The following ERC2 variants were observed in gnomAD, a reference collection of about 807,000 sequenced individuals.
The protein encoded by ERC2 is ERC protein 2.
ERC2 carries 42 observed loss-of-function variants against 114.8 expected under a neutral mutation model. The ratio of observed to expected loss-of-function variants is 0.37; its 90% CI spans 0.29 to 0.47. ERC2 has a LOEUF of 0.47. Ranked by LOEUF, ERC2 falls within the 20% of genes least tolerant of loss-of-function variation. The pLI, the probability that ERC2 is intolerant of heterozygous loss-of-function variation, is 0.99. For missense variants in ERC2, 939 were observed against 1,150.7 expected, an observed-to-expected ratio of 0.82 and a Z score of 2.66; for synonymous variants, 454 against 425.5, an observed-to-expected ratio of 1.07 and a Z score of -0.82.
intron 7 of ERC2, among the ~76,000 whole-genome samples, chr3:56,077,202 T>A (rs145162085): frequency 4.3e-4 from 65 of 152,342 alleles, no homozygotes; most frequent in African/African-American, 1.4e-3. Flanking sequence ...AGTCAGCTTC[T>A]AAATCATATG....
chr3:55,741,671 T>C (rs9876560), intron 14 of ERC2, among the ~76,000 whole-genome samples: 77,983 of 151,924 alleles, frequency 0.51, 20,767 homozygotes, highest in South Asian at 0.69. Flanking sequence ...GCTTGCAAAA[T>C]TATCTTGAGA....
chr3:55,854,006 G>A (rs970882465), intron 14 of ERC2, among the ~76,000 whole-genome samples: 2 of 152,122 alleles, frequency 1.3e-5, no homozygotes, highest in Non-Finnish European at 2.9e-5. Context: ...CCAGCGCGGC[G>A]GCTCACACCT....
At chr3:55,516,298 T>C (rs549401858) in intron 17 of ERC2, among the ~76,000 whole-genome samples, 18 of 152,056 alleles carry the variant, frequency 1.2e-4, no homozygotes, top group Non-Finnish European at 2.4e-4. Context: ...GTGTTATTAC[T>C]TAACATCTTT....
chr3:55,550,787 C>T (rs533173818), intron 17 of ERC2, among the ~76,000 whole-genome samples: 148 of 152,194 alleles, frequency 9.7e-4, no homozygotes, highest in Non-Finnish European at 1.8e-3. Flanking sequence ...GAGGCCAAGG[C>T]GGGCAGATCA....
intron 17 of ERC2, among the ~76,000 whole-genome samples, chr3:55,660,228 C>A (rs1036076780): frequency 1.3e-5 from 2 of 152,186 alleles, no homozygotes; most frequent in African/African-American, 4.8e-5. Flanking sequence ...TCAACCCGCA[C>A]CCCCACCTCC....
At chr3:55,717,169 GT>G (rs1423925794) in intron 15 of ERC2, among the ~76,000 whole-genome samples, 1 of 152,184 alleles carries the variant, frequency 6.6e-6, no homozygotes. Flanking sequence ...CACGGACCTT[GT>G]TTTTAAAGAC....
At chr3:56,076,039 A>G (rs958923634) in intron 7 of ERC2, among the ~76,000 whole-genome samples, 7 of 152,144 alleles carry the variant, frequency 4.6e-5, no homozygotes, top group African/African-American at 1.7e-4. Context: ...CAACCTGCTG[A>G]AGTGGAAAGG....
chr3:56,292,311 C>T (rs947640129), intron 3 of ERC2, among the ~76,000 whole-genome samples: 18 of 151,488 alleles, frequency 1.2e-4, no homozygotes, highest in African/African-American at 3.6e-4. Context: ...AGGCCAGGCA[C>T]GGTGGCTCAC....
chr3:55,708,473 CTTCA>C (rs2063599558), intron 15 of ERC2, among the ~76,000 whole-genome samples: 1 of 152,322 alleles, frequency 6.6e-6, no homozygotes, highest in African/African-American at 2.4e-5. Context: ...GTAAAGTCCT[CTTCA>C]TTCATTTATC....
chr3:55,698,389 T>C (rs1007230125), intron 16 of ERC2, among the ~76,000 whole-genome samples: 2 of 152,050 alleles, frequency 1.3e-5, no homozygotes, highest in African/African-American at 2.4e-5. Context: ...TTAACCTCTT[T>C]GGGATGCTAG....
intron 7 of ERC2, among the ~76,000 whole-genome samples, chr3:56,047,931 C>G (rs1287852226): frequency 2.0e-5 from 3 of 152,208 alleles, no homozygotes; most frequent in Admixed American, 2.0e-4. Context: ...GAAGCAGCTT[C>G]TATATTATAG....
chr3:55,938,164 C>T (rs1377592832), intron 13 of ERC2, among the ~76,000 whole-genome samples: 1 of 150,092 alleles, frequency 6.7e-6, no homozygotes, highest in East Asian at 2.0e-4. Flanking sequence ...CCAAGAGGTT[C>T]TTTCAGAGCC....
At chr3:55,724,849 T>C (rs1360090823) in intron 15 of ERC2, among the ~76,000 whole-genome samples, 3 of 152,196 alleles carry the variant, frequency 2.0e-5, no homozygotes, top group Non-Finnish European at 4.4e-5. Context: ...TTGGGAAGTT[T>C]CTCCTGTACA....
At chr3:56,105,087 C>T (rs1337801416) in intron 6 of ERC2, among the ~76,000 whole-genome samples, 1 of 150,672 alleles carries the variant, frequency 6.6e-6, no homozygotes, top group Non-Finnish European at 1.5e-5. Flanking sequence ...GAGGGAAGAG[C>T]CAGCACAGAA....
chr3:56,152,396 A>G (rs913333698), intron 4 of ERC2, among the ~76,000 whole-genome samples: 2 of 118,722 alleles, frequency 1.7e-5, no homozygotes, highest in Non-Finnish European at 1.8e-5. Context: ...ACTTGCCACA[A>G]TCATCCCCAA....
intron 17 of ERC2, among the ~76,000 whole-genome samples, chr3:55,680,517 C>T (rs1241856552): frequency 6.6e-6 from 1 of 152,176 alleles, no homozygotes; most frequent in East Asian, 1.9e-4. Context: ...AGTGGATTTT[C>T]CTGAAGAACA....
intron 6 of ERC2, among the ~76,000 whole-genome samples, chr3:56,137,437 G>C (rs77825546): frequency 6.6e-6 from 1 of 152,204 alleles, no homozygotes; most frequent in Admixed American, 6.5e-5. Flanking sequence ...CCAGAGAGAA[G>C]ACTAGCTGGG....
At chr3:56,214,780 C>G (rs2150132303) in intron 3 of ERC2, among the ~76,000 whole-genome samples, 1 of 136,786 alleles carries the variant, frequency 7.3e-6, no homozygotes, top group African/African-American at 2.6e-5. Context: ...GCCCATCAGA[C>G]TAACAGCTGA....
At chr3:55,675,912 T>TTTTTTC (rs2061781386) in intron 17 of ERC2, among the ~76,000 whole-genome samples, 1 of 66,154 alleles carries the variant, frequency 1.5e-5, no homozygotes, top group Non-Finnish European at 3.5e-5. Flanking sequence ...TCTTTTTTTT[T>TTTTTTC]TTTTTTTTTT....
Sources: gnomAD v4.1 joint callset for allele counts (sites outside exome capture counted in the v4.1 genomes callset) on GRCh38, gnomAD v4.1.1 for gene constraint, MANE v1.5 for transcripts, NCBI Gene and HGNC (gene_info 2026-07-23, HGNC 2026-07-21) for gene names.